The following TEX9 variants were observed in gnomAD, a reference collection of about 807,000 sequenced individuals.
TEX9 encodes the protein testis expressed 9.
A neutral mutation model predicts 59.6 loss-of-function variants in TEX9; 74 were observed. The observed-to-expected ratio is 1.24, with a 90% confidence interval of 1.03 to 1.51. TEX9 has a LOEUF of 1.51. Among genes scored for constraint, TEX9 ranks in the 40% most tolerant of loss-of-function variants. The pLI is 0.00. For synonymous variants in TEX9, 186 were observed against 152.2 expected, an observed-to-expected ratio of 1.22 and a Z score of -1.64; for missense variants, 522 against 447.8, an observed-to-expected ratio of 1.17 and a Z score of -1.49.
At chr15:56,361,212 A>T (rs2046783044), upstream of TEX9, among the ~76,000 whole-genome samples, 1 of 151,972 alleles carries the variant, frequency 6.6e-6, no homozygotes, top group South Asian at 2.1e-4. Context: ...TTTCAGTTCC[A>T]TTGATTTATG....
rs373342605 is a variant in TEX9 at position 56,244,988 on chromosome 15, C to T, written c.-107+710C>T. Among the ~76,000 whole-genome samples, 2 of 152,308 alleles carry T rather than the reference C, an allele frequency of 1.3e-5. 1 individual carries two copies. ...CCAAATGGAACAGCTGTTCAGCTCA[C>T]ACTGACCTTTCTTTGGGCCCGTGGG... On this transcript the variant is annotated intron_variant, in intron 1 of 5. Coordinates refer to the TEX9 transcript ENST00000560827.
At chr15:56,452,089 G>C in the TEX9 span, among the ~76,000 whole-genome samples, 2 of 152,076 alleles carry the variant, frequency 1.3e-5, no homozygotes, top group African/African-American at 4.8e-5. Flanking sequence ...TGTCTTCCCT[G>C]TCCTATGTTC....
intron 9 of TEX9, among the ~76,000 whole-genome samples, chr15:56,405,660 T>G (rs979601720): frequency 3.9e-5 from 6 of 152,144 alleles, no homozygotes; most frequent in Non-Finnish European, 8.8e-5. Flanking sequence ...ATAATAATTC[T>G]CATGGGTTAT....
chr15:56,361,453 C>T (rs1206190794), upstream of TEX9, among the ~76,000 whole-genome samples: 1 of 151,688 alleles, frequency 6.6e-6, no homozygotes, highest in African/African-American at 2.4e-5. Flanking sequence ...TTACTTGATC[C>T]ATGTATTATT....
intron 1 of TEX9, among the ~76,000 whole-genome samples, chr15:56,286,364 T>C (rs2044953516): frequency 6.6e-6 from 1 of 152,148 alleles, no homozygotes; most frequent in Non-Finnish European, 1.5e-5. Context: ...GGATAGGCGA[T>C]GAAAATGAGA....
chr15:56,374,891 A>G (rs1165250442), intron 3 of TEX9, among the ~76,000 whole-genome samples: 1 of 152,140 alleles, frequency 6.6e-6, no homozygotes, highest in Admixed American at 6.5e-5. Flanking sequence ...ATTATTTTTT[A>G]TGGCTGAATA....
At chr15:56,396,068 A>T (rs2142355372) in intron 9 of TEX9, 1 of 152,264 alleles carries the variant, frequency 6.6e-6, no homozygotes, top group Non-Finnish European at 1.5e-5. Context: ...CCTAGCTTAT[A>T]TTAGTGTGCC....
chr15:56,325,912 T>C (rs1291075642), intron 1 of TEX9, among the ~76,000 whole-genome samples: 3 of 152,212 alleles, frequency 2.0e-5, no homozygotes, highest in Admixed American at 6.5e-5. Flanking sequence ...TTGCACAAGG[T>C]GCTTCAATGA....
At chr15:56,329,874 G>C (rs557091611) in intron 1 of TEX9, among the ~76,000 whole-genome samples, 46 of 152,086 alleles carry the variant, frequency 3.0e-4, no homozygotes, top group Non-Finnish European at 7.4e-5. Context: ...GTTACTATCA[G>C]GGAACTTCTT....
intron 1 of TEX9, among the ~76,000 whole-genome samples, chr15:56,304,127 C>T (rs1201912518): frequency 6.6e-6 from 1 of 152,230 alleles, no homozygotes; most frequent in Non-Finnish European, 1.5e-5. Flanking sequence ...AGAGAGAATA[C>T]TTCCAAACTC....
At position 56,326,350 on chromosome 15, in the gene TEX9, C is replaced by A. The variant is rs188240468; in HGVS notation, c.-106-47091C>A. Among the ~76,000 whole-genome samples, 328 of 152,102 alleles carry A rather than the reference C, an allele frequency of 2.2e-3. 1 individual carries two copies. Among genetic ancestry groups the A allele is most frequent in the East Asian group, 0.014 (72 of 5,188 alleles). ...TCATGCCCACACCACAGCTTCAAAA[C>A]GAAAACTTGTAGACAAATATATTTA... On this transcript the variant is annotated intron_variant, in intron 1 of 5. Transcript: ENST00000560827.
rs142961856 is a variant in TEX9, at chr15:56,385,929, A to G, written c.263+1898A>G. On this transcript the variant is annotated intron_variant, in intron 4 of 12. Coordinates refer to ENST00000352903, the Ensembl canonical transcript of TEX9. Reference sequence around the variant, plus strand: ...CAAAAATAATTATTGCATGCGATCCAGTATTTCCCTTCCTAGATATTTACC... The same window carrying G: ...CAAAAATAATTATTGCATGCGATCCGGTATTTCCCTTCCTAGATATTTACC... Among the ~76,000 whole-genome samples, 23 of 152,224 alleles carry G rather than the reference A, an allele frequency of 1.5e-4. No homozygotes were observed. The East Asian group carries it at 4.2e-3, about 28-fold the overall frequency.
At chr15:56,385,822 G>T (rs1946777877) in intron 4 of TEX9, among the ~76,000 whole-genome samples, 1 of 152,014 alleles carries the variant, frequency 6.6e-6, no homozygotes, top group African/African-American at 2.4e-5. Flanking sequence ...GCCCTACAGG[G>T]TTTAGAGACA....
intron 2 of TEX9, among the ~76,000 whole-genome samples, chr15:56,369,039 A>G (rs2047071272): frequency 6.6e-6 from 1 of 152,024 alleles, no homozygotes; most frequent in Non-Finnish European, 1.5e-5. Flanking sequence ...CTCCAACTGT[A>G]GGTTAACTAT....
chr15:56,323,598 G>T, intron 1 of TEX9: 1 of 116,142 alleles, frequency 8.6e-6, no homozygotes. Flanking sequence ...GCCTGATGCA[G>T]CAAAAAAACG....
chr15:56,426,718 C>CAGAG (rs1353617664), intron 10 of TEX9, among the ~76,000 whole-genome samples: 2 of 148,266 alleles, frequency 1.3e-5, no homozygotes, highest in African/African-American at 4.9e-5. Flanking sequence ...TGTGTGTGTA[C>CAGAG]AGAGATTCAC....
downstream of TEX9, among the ~76,000 whole-genome samples, chr15:56,449,127 A>C (rs2050929560): frequency 6.6e-6 from 1 of 152,096 alleles, no homozygotes; most frequent in South Asian, 2.1e-4. Context: ...TTATTCCTTT[A>C]ATGCCAATCC....
At chr15:56,370,175 T>C (rs2047130096) in intron 2 of TEX9, among the ~76,000 whole-genome samples, 1 of 152,176 alleles carries the variant, frequency 6.6e-6, no homozygotes, top group South Asian at 2.1e-4. Context: ...GTCTGTCTTC[T>C]GCTGGATTGA....
intron 12 of TEX9, chr15:56,434,214 C>G: frequency 4.3e-6 from 7 of 1,613,918 alleles, no homozygotes; most frequent in Non-Finnish European, 5.1e-6. Flanking sequence ...CTGCTTCATT[C>G]TTTGTTTCTG....
Sources: gnomAD v4.1 joint callset for allele counts (sites outside exome capture counted in the v4.1 genomes callset) on GRCh38, gnomAD v4.1.1 for gene constraint, MANE v1.5 for transcripts, NCBI Gene and HGNC (gene_info 2026-07-23, HGNC 2026-07-21) for gene names.